The following ANO4 variants were observed in gnomAD, a reference collection of about 807,000 sequenced individuals.
ANO4 encodes the protein anoctamin-4.
In ANO4, 69 loss-of-function variants were observed where a neutral mutation model predicts 141.9. The ratio of observed to expected loss-of-function variants is 0.49; its 90% confidence interval spans 0.40 to 0.59. ANO4 has a LOEUF of 0.59. Ranked by LOEUF, ANO4 falls within the 20% of genes least tolerant of loss-of-function variation. The pLI is 0.00. For synonymous variants in ANO4, 350 were observed against 394.3 expected (o/e 0.89, Z 1.33); for missense variants, 894 against 1,162.2 (o/e 0.77, Z 3.36).
rs1434324638 is a variant in ANO4 at position 100,900,534 on chromosome 12, G to T, written c.-140-1112G>T. Among the ~76,000 whole-genome samples the T allele has an allele frequency of 2.8e-5, 4 of 143,868 alleles. 1 individual carries two copies. Among genetic ancestry groups the T allele is most frequent in the African/African-American group, 5.2e-5 (2 of 38,518 alleles). The allele number at this position is 143,868 out of a possible 152,430, so 94.4% of individuals were successfully genotyped here. A position where few individuals can be genotyped will look rare whatever the true frequency, so the allele number is the denominator to read the frequency against. ...TTCTCATTGTTCAGTTCCCACCTAT[G>T]AGTGAGAACATGCAGTGTTTGGGTT... On this transcript the variant is annotated intron_variant, in intron 1 of 27. Coordinates refer to ENST00000392977, the MANE Select transcript of ANO4 (RefSeq NM_001286615.2).
intron 17 of ANO4, among the ~76,000 whole-genome samples, chr12:101,093,585 G>A (rs1402406055): frequency 6.6e-6 from 1 of 152,070 alleles, no homozygotes; most frequent in Admixed American, 6.6e-5. Context: ...ATTTCCTAGA[G>A]CTGGATTTAC....
chr12:100,872,785 A>G lies in ANO4; in HGVS notation c.-140-28861A>G, dbSNP rs375275139. ...AAAGTAATTATCACATCATAATCCA[A>G]TGTTTTCCTGAGGTTCCCATGGGAA... On this transcript the variant is annotated intron_variant, in intron 1 of 27. Coordinates refer to ENST00000392977, the MANE Select transcript of ANO4 (RefSeq NM_001286615.2). 1.4e-4 allele frequency among the ~76,000 whole-genome samples: 22 copies of G among 152,302 alleles called. No individual in the cohort carries two copies. The South Asian group carries it at 4.4e-3, about 30-fold the overall frequency.
rs116272053 is a variant in ANO4 at position 100,860,306 on chromosome 12, C to T, written c.-140-41340C>T. Among the ~76,000 whole-genome samples the T allele has an allele frequency of 3.2e-3, 490 of 152,238 alleles. 3 individuals carry two copies. The highest frequency in any genetic ancestry group is 0.012 in the African/African-American group (478 of 41,542). Reference sequence around the variant, plus strand: ...TATTAATTCAAAGTTGATTATCTCACCAGGGATTGTGAAGAGTTTCATTTG... The same window carrying T: ...TATTAATTCAAAGTTGATTATCTCATCAGGGATTGTGAAGAGTTTCATTTG... On this transcript the variant is annotated intron_variant, in intron 1 of 27. Coordinates refer to ENST00000392977, the MANE Select transcript of ANO4 (RefSeq NM_001286615.2).
intron 14 of ANO4, among the ~76,000 whole-genome samples, chr12:101,072,302 A>G (rs934199570): frequency 1.7e-4 from 26 of 152,186 alleles, no homozygotes; most frequent in Admixed American, 6.5e-4. Flanking sequence ...AATGACATAT[A>G]TCACTTCTTA....
intron 3 of ANO4, among the ~76,000 whole-genome samples, chr12:100,784,142 C>T (rs1490537198): frequency 6.6e-6 from 1 of 152,150 alleles, no homozygotes; most frequent in Non-Finnish European, 1.5e-5. Flanking sequence ...TAAACAGATA[C>T]TTGTTGAATG....
intron 3 of ANO4, among the ~76,000 whole-genome samples, chr12:100,767,121 T>C (rs956781348): frequency 6.6e-6 from 1 of 152,182 alleles, no homozygotes; most frequent in East Asian, 1.9e-4. Context: ...GTAGGCAGCA[T>C]ATAGGTATAT....
chr12:100,787,729 T>C (rs1199296979), intron 3 of ANO4, among the ~76,000 whole-genome samples: 6 of 152,186 alleles, frequency 3.9e-5, no homozygotes, highest in Non-Finnish European at 8.8e-5. Flanking sequence ...AGGATGGCAC[T>C]GAGATTTCTA....
At chr12:100,919,704 GTATGTA>G (rs746434231) in intron 2 of ANO4, among the ~76,000 whole-genome samples, 1 of 119,662 alleles carries the variant, frequency 8.4e-6, no homozygotes, top group African/African-American at 3.4e-5. Context: ...GTGTGTGTGT[GTATGTA>G]TGTATGTATG....
chr12:100,889,029 C>T (rs821863), intron 1 of ANO4, among the ~76,000 whole-genome samples: 2 of 121,780 alleles, frequency 1.6e-5, no homozygotes, highest in African/African-American at 6.3e-5. Flanking sequence ...ATCCCTCCCC[C>T]CTCCCCCCAC....
chr12:101,093,999 C>A (rs2049880644), intron 17 of ANO4, among the ~76,000 whole-genome samples: 1 of 152,020 alleles, frequency 6.6e-6, no homozygotes, highest in South Asian at 2.1e-4. Context: ...TTATTCGCCC[C>A]AAAATAAGAA....
chr12:101,037,086 C>T lies in ANO4; in HGVS notation c.842-9C>T. 1 of 1,613,344 alleles carries T rather than the reference C, an allele frequency of 6.2e-7. No homozygotes were observed. The highest frequency in any genetic ancestry group is 8.5e-7 in the Non-Finnish European group (1 of 1,179,424). On this transcript the variant is annotated splice_polypyrimidine_tract_variant and intron_variant, in intron 9 of 27. Coordinates refer to ENST00000392977, the MANE Select transcript of ANO4 (RefSeq NM_001286615.2). ...GTATTAATTCAAATGGACTTATTTGCTGTTTTAGGTCTGAATCGTTTGCTT... is the reference window on the plus strand; with the variant it reads ...GTATTAATTCAAATGGACTTATTTGTTGTTTTAGGTCTGAATCGTTTGCTT...
intron 1 of ANO4, chr12:100,733,689 A>G (rs903629278): frequency 1.7e-5 from 11 of 632,720 alleles, no homozygotes; most frequent in Non-Finnish European, 3.1e-5. Context: ...GAGCTGGTTT[A>G]TTTACCACCA....
At chr12:100,764,476 C>T (rs1777173319) in intron 3 of ANO4, among the ~76,000 whole-genome samples, 1 of 152,174 alleles carries the variant, frequency 6.6e-6, no homozygotes, top group African/African-American at 2.4e-5. Context: ...AGCAATTTGA[C>T]ATTTTTACTC....
intron 8 of ANO4, among the ~76,000 whole-genome samples, chr12:100,997,377 C>T (rs1303938840): frequency 6.6e-6 from 1 of 150,744 alleles, no homozygotes; most frequent in Non-Finnish European, 1.5e-5. Flanking sequence ...AGTGCTGCCA[C>T]CTCCTGTAGG....
Position 101,086,775 on chromosome 12 carries a change from C to T in ANO4, c.1652C>T (p.Thr551Ile). The change falls in exon 17 of 28, where the codon ACA becomes ATA. Residue 551 changes from threonine to isoleucine, a missense_variant. By Grantham distance (89) the Thr-to-Ile change is moderately conservative. Around this residue, in one of 2 missense-constraint regions of ANO4, gnomAD observed 637 missense variants for 909.2 expected, o/e 0.70. Coordinates refer to ENST00000392977, the MANE Select transcript of ANO4 (RefSeq NM_001286615.2). ...LIRNNSQVAT[T>I]GTAVCINFCI... is the part of the protein sequence containing the mutation. ...AGGAATAACTCTCAGGTTGCAACCA[C>T]AGGGACTGCTGTGTGCATCAACTTC... 6.2e-7 allele frequency: 1 copy of T among 1,613,832 alleles called. No individual in the cohort carries two copies.
chr12:100,727,398 C>T lies in ANO4; in HGVS notation c.23-6376C>T, dbSNP rs1293507786. Among the ~76,000 whole-genome samples, 3 of 152,200 alleles carry T rather than the reference C, an allele frequency of 2.0e-5. No individual in the cohort carries two copies. The East Asian group carries it at 5.8e-4, about 29-fold the overall frequency. On this transcript the variant is annotated intron_variant, in intron 1 of 29. Transcript: ENST00000644049. ...TTTATACCTTCTTGGATAATTGAAC[C>T]CTGAACCTTTCATCATTATTACTCA...
chr12:101,098,013 G>A (rs1385698495), intron 21 of ANO4, 68 bp downstream of exon 21: 7 of 1,427,402 alleles, frequency 4.9e-6, no homozygotes. Context: ...GGTGTGGCAA[G>A]TAAGATAAGC....
chr12:100,884,317 G>A (rs2039716270), intron 1 of ANO4, among the ~76,000 whole-genome samples: 1 of 149,152 alleles, frequency 6.7e-6, no homozygotes, highest in Admixed American at 6.6e-5. Flanking sequence ...GGTCAGTTAA[G>A]GAAATTAAAT....
chr12:100,804,699 TC>T (rs2034899520), intron 1 of ANO4, among the ~76,000 whole-genome samples: 1 of 152,250 alleles, frequency 6.6e-6, no homozygotes, highest in Admixed American at 6.5e-5. Context: ...TATCTAATGA[TC>T]AGCGATGCTG....
Sources: allele counts gnomAD v4.1 joint callset (sites outside exome capture counted in the v4.1 genomes callset), GRCh38; gene constraint gnomAD v4.1.1; regional missense constraint gnomAD v4.1.1; transcripts MANE v1.5; gene names NCBI Gene and HGNC (gene_info 2026-07-23, HGNC 2026-07-21).